The following TCTN2 variants were observed in gnomAD, a reference collection of about 807,000 sequenced individuals.
TCTN2 encodes the protein tectonic family member 2, also known as tectonic-2.
In TCTN2, 66 loss-of-function variants were observed where a neutral mutation model predicts 83.4. The observed-to-expected ratio is 0.79, with a 90% CI of 0.65 to 0.97. The LOEUF (loss-of-function observed/expected upper bound fraction) is 0.97, where lower values mean the gene tolerates loss of function less well. TCTN2 is among the 50% of genes least tolerant of loss of function. The pLI, the probability that TCTN2 is intolerant of heterozygous loss-of-function variation, is 0.00. For synonymous variants in TCTN2, 301 were observed against 326.7 expected (o/e 0.92, Z 0.85); for missense variants, 794 against 858.1 (o/e 0.93, Z 0.93).
At chr12:123,682,474 T>C (rs7302788) in intron 5 of TCTN2, among the ~76,000 whole-genome samples, 54,212 of 151,536 alleles carry the variant, frequency 0.36, 10,131 homozygotes, top group African/African-American at 0.41. Flanking sequence ...TTTTGTTTGT[T>C]TTATTTATTT....
chr12:123,694,617 A>T (rs1405987978), intron 9 of TCTN2, among the ~76,000 whole-genome samples: 1 of 152,216 alleles, frequency 6.6e-6, no homozygotes, highest in African/African-American at 2.4e-5. Flanking sequence ...AACAGATCTC[A>T]TTCTGGGTAC....
At chr12:123,706,060 C>T (rs1285736941) in intron 15 of TCTN2, among the ~76,000 whole-genome samples, 1 of 152,170 alleles carries the variant, frequency 6.6e-6, no homozygotes, top group Non-Finnish European at 1.5e-5. Context: ...CCGGCCCCTC[C>T]TCTTTCTCAA....
chr12:123,697,190 TC>T lies in TCTN2; in HGVS notation c.1498del (p.Gln500SerfsTer13), dbSNP rs757123597. 8.7e-6 allele frequency: 14 copies of T among 1,609,868 alleles called. No individual in the cohort carries two copies. The highest frequency in any genetic ancestry group is 1.2e-5 in the Non-Finnish European group (14 of 1,176,144). On this transcript the variant is annotated frameshift_variant, in exon 13 of 18. Coordinates refer to ENST00000303372, the MANE Select transcript of TCTN2 (RefSeq NM_024809.5). LOFTEE classifies it high-confidence loss of function. ...AAGTCGGGATTAATGAAAATTGTAC[TC>T]AGCTCAGGTGAGTGTTTCATTGATG... ...LEVGINENCT[Q>X]LRENAVERLD...
At chr12:123,702,870 G>A (rs1483456972) in intron 14 of TCTN2, among the ~76,000 whole-genome samples, 1 of 152,166 alleles carries the variant, frequency 6.6e-6, no homozygotes, top group Non-Finnish European at 1.5e-5. Context: ...CCTTGATCCT[G>A]GTTAATAAGC....
intron 5 of TCTN2, among the ~76,000 whole-genome samples, chr12:123,682,438 A>G (rs373251930): frequency 2.7e-4 from 41 of 151,634 alleles, no homozygotes; most frequent in African/African-American, 9.7e-4. Flanking sequence ...AGGGTTCACT[A>G]TATATTCTGG....
At chr12:123,682,002 G>T (rs1174994098) in intron 5 of TCTN2, among the ~76,000 whole-genome samples, 1 of 152,046 alleles carries the variant, frequency 6.6e-6, no homozygotes, top group Non-Finnish European at 1.5e-5. Context: ...ACAGGGTCTT[G>T]CTCTGTCGCC....
At chr12:123,683,356 C>G (rs1955923155) in intron 5 of TCTN2, among the ~76,000 whole-genome samples, 1 of 151,872 alleles carries the variant, frequency 6.6e-6, no homozygotes, top group African/African-American at 2.4e-5. Flanking sequence ...TCTCCGCTCA[C>G]TGCAACCTCT....
rs1009530513 is a variant in TCTN2 at position 123,671,516 on chromosome 12, C to G, written c.92C>G (p.Pro31Arg). ...TTTCCTTCCCGCCTAGCTTTCATCC[C>G]TCCTTTTATCCGAATGTCCGGCCCT... Reference protein sequence around the residue: ...RLLWGDLAFIPPFIRMSGPAV... With the variant: ...RLLWGDLAFIRPFIRMSGPAV... The change falls in exon 2 of 18, where the codon CCT (proline) becomes CGT (arginine). Residue 31 changes from proline (P) to arginine (R), a missense_variant. Coordinates refer to ENST00000303372, the MANE Select transcript of TCTN2 (RefSeq NM_024809.5). 3 of 1,614,154 alleles carry G rather than the reference C, an allele frequency of 1.9e-6. No individual in the cohort carries two copies. The highest frequency in any genetic ancestry group is 8.5e-7 in the Non-Finnish European group (1 of 1,180,012).
Position 123,707,769 on chromosome 12 carries a change from T to G in TCTN2, c.*56T>G. On this transcript the variant is annotated 3_prime_UTR_variant, in exon 18 of 18. Coordinates refer to ENST00000303372, the MANE Select transcript of TCTN2 (RefSeq NM_024809.5). ...GGAGTTTTGCTCTTGTTGCCCAGGCTGAAGTGATCTCGGCTCACCACAACC... is the reference window on the plus strand; with the variant it reads ...GGAGTTTTGCTCTTGTTGCCCAGGCGGAAGTGATCTCGGCTCACCACAACC... The G allele has an allele frequency of 2.2e-6, 3 of 1,374,334 alleles. 1 individual carries two copies. Among genetic ancestry groups the G allele is most frequent in the South Asian group, 2.3e-5 (2 of 85,732 alleles). 85.1% of individuals were successfully genotyped at this position (1,374,334 alleles called of 1,614,324 possible).
At chr12:123,694,594 T>C (rs1024869846) in intron 9 of TCTN2, among the ~76,000 whole-genome samples, 2 of 152,168 alleles carry the variant, frequency 1.3e-5, no homozygotes, top group Admixed American at 6.5e-5. Context: ...GCTGGAGATA[T>C]AGAAATGAAA....
At chr12:123,688,869 C>T (rs1260147257) in intron 7 of TCTN2, among the ~76,000 whole-genome samples, 1 of 151,984 alleles carries the variant, frequency 6.6e-6, no homozygotes, top group Non-Finnish European at 1.5e-5. Flanking sequence ...GATTCTCCTG[C>T]CTCAGCTTTC....
At chr12:123,698,434 C>T (rs961479956) in intron 13 of TCTN2, among the ~76,000 whole-genome samples, 5 of 151,416 alleles carry the variant, frequency 3.3e-5, no homozygotes, top group East Asian at 1.9e-4. Flanking sequence ...TGATTGCATG[C>T]GTTCTTTTTG....
chr12:123,680,077 G>A (rs1352646924), intron 5 of TCTN2, among the ~76,000 whole-genome samples: 1 of 151,814 alleles, frequency 6.6e-6, no homozygotes, highest in African/African-American at 2.4e-5. Flanking sequence ...ATTTTGGTGG[G>A]CGCAGTGGCG....
intron 9 of TCTN2, among the ~76,000 whole-genome samples, chr12:123,693,018 CTTTTTTTTTTT>C (rs539689505): frequency 2.6e-4 from 14 of 53,780 alleles, no homozygotes; most frequent in Admixed American, 1.4e-3. Context: ...TTAAATAATT[CTTTTTTTTTTT>C]TTTTTTTTTT....
At chr12:123,697,650 C>G (rs1956125905) in intron 13 of TCTN2, among the ~76,000 whole-genome samples, 3 of 151,798 alleles carry the variant, frequency 2.0e-5, no homozygotes, top group Admixed American at 2.0e-4. Context: ...CAGGCATGCA[C>G]CACCACGCCT....
intron 11 of TCTN2, chr12:123,695,704 G>T (rs1718444913): frequency 6.1e-6 from 1 of 164,770 alleles, no homozygotes; most frequent in African/African-American, 2.4e-5. Flanking sequence ...AGTAGAGATA[G>T]GCTGTTGTTC....
intron 5 of TCTN2, among the ~76,000 whole-genome samples, chr12:123,680,113 G>T (rs1269940368): frequency 1.3e-5 from 2 of 151,924 alleles, no homozygotes; most frequent in African/African-American, 4.8e-5. Context: ...AGCACTTTGG[G>T]TGGCCAAGGT....
At chr12:123,699,033 G>A (rs1214420445) in intron 13 of TCTN2, among the ~76,000 whole-genome samples, 1 of 152,086 alleles carries the variant, frequency 6.6e-6, no homozygotes, top group East Asian at 1.9e-4. Flanking sequence ...TACTTTTACT[G>A]TTGGATCACT....
At chr12:123,705,297 G>C (rs1397166458) in intron 15 of TCTN2, among the ~76,000 whole-genome samples, 1 of 151,518 alleles carries the variant, frequency 6.6e-6, no homozygotes, top group Non-Finnish European at 1.5e-5. Context: ...CGAGTAGCTG[G>C]GATTACAGGC....
Sources: gnomAD v4.1 joint callset for allele counts (sites outside exome capture counted in the v4.1 genomes callset) on GRCh38, gnomAD v4.1.1 for gene constraint, MANE v1.5 for transcripts, NCBI Gene and HGNC (gene_info 2026-07-23, HGNC 2026-07-21) for gene names.